Variants in PCBP3 observed in about 807,000 individuals in gnomAD.
PCBP3 encodes poly(rC)-binding protein 3.
In PCBP3, 25 loss-of-function variants were observed where a neutral mutation model predicts 52.7. The ratio of observed to expected loss-of-function variants is 0.47; its 90% CI spans 0.35 to 0.66. The LOEUF (loss-of-function observed/expected upper bound fraction) is 0.66. Ranked by LOEUF, PCBP3 falls within the 30% of genes least tolerant of loss-of-function variation. The probability of loss-of-function intolerance (pLI) is 0.01; values close to 1 mark genes in which losing one functional copy is unlikely to be tolerated. For synonymous variants in PCBP3, 162 were observed against 183.0 expected (o/e 0.89, Z 0.93); for missense variants, 391 against 490.3 (o/e 0.80, Z 1.91).
intron 3 of PCBP3, among the ~76,000 whole-genome samples, chr21:45,754,604 A>G (rs971387918): frequency 6.6e-6 from 1 of 152,230 alleles, no homozygotes; most frequent in Non-Finnish European, 1.5e-5. Context: ...GTATCTTCTC[A>G]CAGCCACATA....
chr21:45,900,751 G>T, intron 8 of PCBP3, 128 bp downstream of exon 8: 2 of 782,312 alleles, frequency 2.6e-6, no homozygotes. Context: ...AGTGCAGTGC[G>T]GGGCCTCTTT....
At chr21:45,877,628 A>G (rs2095296984) in intron 5 of PCBP3, among the ~76,000 whole-genome samples, 1 of 152,144 alleles carries the variant, frequency 6.6e-6, no homozygotes. Flanking sequence ...ACGTGATGAA[A>G]CCCCATCTCT....
intron 13 of PCBP3, among the ~76,000 whole-genome samples, chr21:45,927,895 G>A (rs1423852568): frequency 3.3e-5 from 5 of 152,044 alleles, no homozygotes; most frequent in South Asian, 2.1e-4. Context: ...GCCCCTCCCC[G>A]TGCCCCATTC....
intron 4 of PCBP3, among the ~76,000 whole-genome samples, chr21:45,842,452 A>G (rs2148020605): frequency 6.6e-6 from 1 of 151,980 alleles, no homozygotes; most frequent in South Asian, 2.1e-4. Context: ...GCTTTTTTGG[A>G]AACTTGGTTT....
intron 4 of PCBP3, among the ~76,000 whole-genome samples, chr21:45,797,294 G>A (rs2091969757): frequency 6.6e-6 from 1 of 152,152 alleles, no homozygotes; most frequent in African/African-American, 2.4e-5. Flanking sequence ...CACAGAGAGT[G>A]AATGCGTGGA....
chr21:45,820,922 G>A (rs750004646), intron 4 of PCBP3, among the ~76,000 whole-genome samples: 23 of 152,188 alleles, frequency 1.5e-4, no homozygotes, highest in Middle Eastern at 3.4e-3. Flanking sequence ...ATACAGCCTC[G>A]AGAGGACAGA....
chr21:45,666,851 A>T lies in PCBP3; in HGVS notation c.-278-2023A>T, dbSNP rs1422288890. ...CAAGTGATTTGAGAATCCCTTTTTA[A>T]TGAGTTACTCTCTTGCTGCTTTCAC... On this transcript the variant is annotated intron_variant, in intron 1 of 17. Coordinates refer to ENST00000681687, the MANE Select transcript of PCBP3 (RefSeq NM_001384156.1). 2.0e-5 allele frequency among the ~76,000 whole-genome samples: 3 copies of T among 151,654 alleles called. No homozygotes were observed. In the East Asian group the frequency reaches 5.8e-4, roughly 29 times the overall value.
intron 2 of PCBP3, among the ~76,000 whole-genome samples, chr21:45,678,607 G>A (rs560569949): frequency 1.6e-4 from 25 of 151,862 alleles, no homozygotes; most frequent in African/African-American, 5.8e-4. Flanking sequence ...ATTAGAAGTG[G>A]AGCCTGAAGA....
At chr21:45,782,750 C>T (rs544580936) in intron 4 of PCBP3, among the ~76,000 whole-genome samples, 33 of 152,184 alleles carry the variant, frequency 2.2e-4, no homozygotes, top group Non-Finnish European at 3.4e-4. Flanking sequence ...CACATCTGGG[C>T]ATATCATTAT....
intron 8 of PCBP3, among the ~76,000 whole-genome samples, 167 bp from the exon 9 acceptor site, chr21:45,900,830 A>G (rs926680061): frequency 6.6e-6 from 1 of 152,208 alleles, no homozygotes. Flanking sequence ...GCTAGTTAAA[A>G]TTTCATTGTA....
intron 5 of PCBP3, among the ~76,000 whole-genome samples, chr21:45,860,704 C>T (rs967603952): frequency 4.6e-5 from 7 of 152,244 alleles, no homozygotes; most frequent in Non-Finnish European, 8.8e-5. Context: ...AAAACAGGCA[C>T]AATGCAGACT....
chr21:45,692,923 C>T (rs2082567369), intron 2 of PCBP3, among the ~76,000 whole-genome samples: 1 of 152,114 alleles, frequency 6.6e-6, no homozygotes, highest in Non-Finnish European at 1.5e-5. Context: ...ATGGATAAAA[C>T]ATCACAACCA....
chr21:45,732,009 GTAT>G (rs773005022), intron 2 of PCBP3, among the ~76,000 whole-genome samples: 3 of 151,842 alleles, frequency 2.0e-5, no homozygotes, highest in Non-Finnish European at 4.4e-5. Flanking sequence ...TTTCCTTCTG[GTAT>G]TATTTTCCTT....
chr21:45,824,712 A>G (rs867921912), intron 4 of PCBP3, among the ~76,000 whole-genome samples: 1 of 152,120 alleles, frequency 6.6e-6, no homozygotes, highest in Non-Finnish European at 1.5e-5. Flanking sequence ...GGGTGTTGGT[A>G]GCAGTAACGG....
At chr21:45,644,004 C>A (rs1477808603) in intron 1 of PCBP3, 136 bp downstream of exon 1, 1 of 149,160 alleles carries the variant, frequency 6.7e-6, no homozygotes, top group Non-Finnish European at 1.5e-5. Flanking sequence ...GGGCGGGGGT[C>A]CCGGGCTGGG....
rs1206450361 is a variant in PCBP3, at chr21:45,918,376, C to A, written c.717+747C>A. ...GGGGAAGAAGTTACCCTCAGATAAACGGTCGGTGTAATTCCAGTGCTGGGG... is the reference window on the plus strand; with the variant it reads ...GGGGAAGAAGTTACCCTCAGATAAAAGGTCGGTGTAATTCCAGTGCTGGGG... On this transcript the variant is annotated intron_variant, in intron 13 of 17. Coordinates refer to ENST00000681687, the MANE Select transcript of PCBP3 (RefSeq NM_001384156.1). The A allele has an allele frequency of 1.1e-4, 14 of 125,714 alleles. 1 individual carries two copies. Among genetic ancestry groups the A allele is most frequent in the Admixed American group, 1.1e-3 (14 of 12,670 alleles). The allele number at this position is 125,714 out of a possible 1,614,324, so 7.8% of individuals were successfully genotyped here. A position where few individuals can be genotyped will look rare whatever the true frequency, so the allele number is the denominator to read the frequency against.
chr21:45,653,939 C>G (rs1370362378), intron 1 of PCBP3, among the ~76,000 whole-genome samples: 5 of 152,052 alleles, frequency 3.3e-5, no homozygotes, highest in African/African-American at 7.2e-5. Flanking sequence ...TTGTTACTAA[C>G]TTATCCAGAT....
chr21:45,703,143 GA>G (rs2083233519), intron 2 of PCBP3, among the ~76,000 whole-genome samples: 1 of 152,146 alleles, frequency 6.6e-6, no homozygotes, highest in South Asian at 2.1e-4. Flanking sequence ...ATAAAGGATG[GA>G]ACCCCTTAAA....
intron 12 of PCBP3, chr21:45,915,417 C>T (rs1191786805): frequency 6.6e-6 from 1 of 152,260 alleles, no homozygotes; most frequent in Non-Finnish European, 1.5e-5. Flanking sequence ...CCTCTGTGGA[C>T]TCCACCTTTA....
Sources: gnomAD v4.1 joint callset for allele counts (sites outside exome capture counted in the v4.1 genomes callset) on GRCh38, gnomAD v4.1.1 for gene constraint, MANE v1.5 for transcripts, NCBI Gene and HGNC (gene_info 2026-07-23, HGNC 2026-07-21) for gene names.